CYLD: variants seen among roughly 807,000 people sequenced by gnomAD.
CYLD encodes CYLD lysine 63 deubiquitinase.
A neutral mutation model predicts 104.5 loss-of-function variants in CYLD; 26 were observed. That is an observed-to-expected ratio of 0.25 (90% CI 0.18 to 0.35). The LOEUF (loss-of-function observed/expected upper bound fraction) is 0.35, where lower values mean the gene tolerates loss of function less well. Ranked by LOEUF, CYLD falls within the 10% of genes least tolerant of loss-of-function variation. The probability of loss-of-function intolerance (pLI) is 1.00; values close to 1 mark genes in which losing one functional copy is unlikely to be tolerated. For synonymous variants in CYLD, 385 were observed against 399.9 expected, an observed-to-expected ratio of 0.96 and a Z score of 0.45; for missense variants, 703 against 1,136.1, an observed-to-expected ratio of 0.62 and a Z score of 5.48.
chr16:50,754,512 G>A (rs1286964019), intron 5 of CYLD, 88 bp downstream of exon 5: 5 of 865,888 alleles, frequency 5.8e-6, no homozygotes, highest in Non-Finnish European at 9.2e-6. Flanking sequence ...TGGGGGAACA[G>A]GTGGTGTTTG....
rs1345323110 is a variant in CYLD, at chr16:50,780,134, T to TA, written c.1518+91dup. 8.5e-5 allele frequency: 124 copies of TA among 1,456,344 alleles called. 1 individual carries two copies. The South Asian group carries it at 1.2e-3, about 14-fold the overall frequency. 90.2% of individuals were successfully genotyped at this position (1,456,344 alleles called of 1,614,324 possible). ...TATTATATGCTTTTTGACAAACTGT[T>TA]ATATTTGTCAGAAAAGCTATCACTG... On this transcript the variant is annotated intron_variant, in intron 9 of 18. Coordinates refer to ENST00000427738, the MANE Select transcript of CYLD (RefSeq NM_001378743.1).
intron 5 of CYLD, among the ~76,000 whole-genome samples, chr16:50,758,533 A>C (rs1967533379): frequency 6.6e-6 from 1 of 152,212 alleles, no homozygotes; most frequent in African/African-American, 2.4e-5. Context: ...CAGAGGACAG[A>C]AACAGGGAGA....
intron 5 of CYLD, among the ~76,000 whole-genome samples, chr16:50,756,586 C>T (rs1335945731): frequency 2.0e-5 from 3 of 152,166 alleles, no homozygotes; most frequent in Admixed American, 2.0e-4. Context: ...TTTCATCCCC[C>T]TGCTGTTAGT....
At chr16:50,784,946 A>T (rs1302924932) in intron 12 of CYLD, 1 of 155,672 alleles carries the variant, frequency 6.4e-6, no homozygotes, top group African/African-American at 2.4e-5. Context: ...TTTTTTGGTT[A>T]AAGGAATATA....
chr16:50,781,881 T>A (rs1336386218), intron 10 of CYLD, among the ~76,000 whole-genome samples: 1 of 152,194 alleles, frequency 6.6e-6, no homozygotes, highest in East Asian at 1.9e-4. Flanking sequence ...CTGGTGCTGT[T>A]CCTTTCCACT....
At chr16:50,768,452 G>GA (rs1567437576) in intron 5 of CYLD, among the ~76,000 whole-genome samples, 1 of 152,080 alleles carries the variant, frequency 6.6e-6, no homozygotes, top group South Asian at 2.1e-4. Context: ...ATTTAAAAAA[G>GA]AAAAAAGATT....
chr16:50,797,339 C>T lies in CYLD; in HGVS notation c.*831C>T, dbSNP rs144877731. The T allele has an allele frequency of 5.1e-4, 118 of 232,114 alleles. 1 individual carries two copies. The East Asian group carries it at 7.2e-3, about 14-fold the overall frequency. The allele number at this position is 232,114 out of a possible 1,614,324, so 14.4% of individuals were successfully genotyped here. A position where few individuals can be genotyped will look rare whatever the true frequency, so the allele number is the denominator to read the frequency against. On this transcript the variant is annotated 3_prime_UTR_variant, in exon 19 of 19. Coordinates refer to ENST00000427738, the MANE Select transcript of CYLD (RefSeq NM_001378743.1). ...GTGATAATAGTCCTTTACAAACATA[C>T]AGTCCATAAGAAAATGAATTTGGCA...
At chr16:50,765,227 G>A (rs982683343) in intron 5 of CYLD, among the ~76,000 whole-genome samples, 9 of 152,058 alleles carry the variant, frequency 5.9e-5, no homozygotes, top group Admixed American at 1.3e-4. Context: ...TGCACACTTC[G>A]TGTCTCTGTG....
chr16:50,770,089 T>C (rs1026446884), intron 5 of CYLD, among the ~76,000 whole-genome samples: 5 of 152,240 alleles, frequency 3.3e-5, no homozygotes, highest in African/African-American at 1.2e-4. Context: ...TTTTTGGCTA[T>C]TATGAATAAT....
chr16:50,758,923 A>C (rs1270383995), intron 5 of CYLD, among the ~76,000 whole-genome samples: 1 of 152,154 alleles, frequency 6.6e-6, no homozygotes, highest in Non-Finnish European at 1.5e-5. Context: ...AAAATGGGCA[A>C]TGTGCTCATC....
intron 5 of CYLD, among the ~76,000 whole-genome samples, chr16:50,769,719 C>T (rs1968938582): frequency 6.6e-6 from 1 of 152,234 alleles, no homozygotes; most frequent in East Asian, 1.9e-4. Flanking sequence ...AGAATGTTGA[C>T]CCTGATACAA....
chr16:50,777,127 C>T (rs1969770310), intron 7 of CYLD, among the ~76,000 whole-genome samples: 1 of 152,068 alleles, frequency 6.6e-6, no homozygotes, highest in Admixed American at 6.5e-5. Context: ...ATAAAATGTA[C>T]AGCTACCTGC....
Position 50,780,063 on chromosome 16 carries a change from A to T in CYLD, c.1518+19A>T, listed in dbSNP as rs1245433750. 1 of 1,613,560 alleles carries T rather than the reference A, an allele frequency of 6.2e-7. No individual in the cohort carries two copies. The highest frequency in any genetic ancestry group is 1.1e-5 in the South Asian group (1 of 91,062). On this transcript the variant is annotated intron_variant, in intron 9 of 18. Transcript: ENST00000427738. Reference sequence around the variant, plus strand: ...GGAACTGGTAATTTAACTTGACCCAAAAATTTCAATTTTTTTCTCTGTGAG... The same window carrying T: ...GGAACTGGTAATTTAACTTGACCCATAAATTTCAATTTTTTTCTCTGTGAG...
chr16:50,757,103 TG>T (rs1272936701), intron 5 of CYLD, among the ~76,000 whole-genome samples: 6 of 152,076 alleles, frequency 3.9e-5, no homozygotes, highest in Non-Finnish European at 7.4e-5. Flanking sequence ...CAAACTGAAT[TG>T]TTTTTTTTTC....
intron 2 of CYLD, among the ~76,000 whole-genome samples, chr16:50,748,026 G>A (rs1440531538): frequency 6.6e-6 from 1 of 152,128 alleles, no homozygotes. Context: ...GTATAGATTT[G>A]CCAGGTTGTT....
chr16:50,781,551 T>C, intron 10 of CYLD, 140 bp downstream of exon 10: 1 of 1,094,098 alleles, frequency 9.1e-7, no homozygotes, highest in Non-Finnish European at 1.3e-6. Context: ...AGTAAAAATG[T>C]TGCATGGTGT....
chr16:50,748,625 C>A (rs1380485557), intron 2 of CYLD, among the ~76,000 whole-genome samples: 1 of 152,032 alleles, frequency 6.6e-6, no homozygotes, highest in Non-Finnish European at 1.5e-5. Flanking sequence ...GCAGTTATAT[C>A]ATGATATTCC....
chr16:50,796,547 G>A lies in CYLD; in HGVS notation c.*39G>A. The stretch of plus-strand genomic sequence containing the variant: ...GAAAGGCAAAGAAACTGAAGGCAGA[G>A]TCCTAACGTTGCATCTTATTCGAGC... On this transcript the variant is annotated 3_prime_UTR_variant, in exon 19 of 19. Coordinates refer to ENST00000427738, the MANE Select transcript of CYLD (RefSeq NM_001378743.1). The A allele has an allele frequency of 6.3e-7, 1 of 1,596,928 alleles. No homozygotes were observed. The highest frequency in any genetic ancestry group is 1.3e-5 in the African/African-American group (1 of 74,742).
intron 5 of CYLD, among the ~76,000 whole-genome samples, chr16:50,773,455 A>G (rs976211603): frequency 6.6e-6 from 1 of 152,186 alleles, no homozygotes; most frequent in Non-Finnish European, 1.5e-5. Flanking sequence ...ATTGCTATGT[A>G]GTATTCCATT....
Sources: allele counts gnomAD v4.1 joint callset (sites outside exome capture counted in the v4.1 genomes callset), GRCh38; gene constraint gnomAD v4.1.1; transcripts MANE v1.5; gene names NCBI Gene and HGNC (gene_info 2026-07-23, HGNC 2026-07-21).